EXOC4: variants seen among roughly 807,000 people sequenced by gnomAD.
The protein encoded by EXOC4 is exocyst complex component 4.
Under a neutral mutation model 107.2 loss-of-function variants are expected in EXOC4, and 71 were observed. The ratio of observed to expected loss-of-function variants is 0.66; its 90% CI spans 0.55 to 0.81. EXOC4 has a LOEUF of 0.81. Ranked by LOEUF, EXOC4 falls within the 30% of genes least tolerant of loss-of-function variation. The probability of loss-of-function intolerance (pLI) is 0.00; values close to 1 mark genes in which losing one functional copy is unlikely to be tolerated. For missense variants in EXOC4, 1,108 were observed against 1,189.6 expected, an observed-to-expected ratio of 0.93 and a Z score of 1.01; for synonymous variants, 456 against 441.2, an observed-to-expected ratio of 1.03 and a Z score of -0.42.
intron 14 of EXOC4, among the ~76,000 whole-genome samples, chr7:133,989,670 A>G (rs1436338079): frequency 5.3e-5 from 8 of 152,228 alleles, no homozygotes; most frequent in East Asian, 1.9e-4. Context: ...AGATTTGGCA[A>G]TTACAGTATC....
At chr7:133,312,692 A>G (rs1432483192) in intron 4 of EXOC4, among the ~76,000 whole-genome samples, 2 of 152,046 alleles carry the variant, frequency 1.3e-5, no homozygotes, top group Non-Finnish European at 2.9e-5. Flanking sequence ...GTGGATGGAC[A>G]GACACTCATT....
chr7:134,027,465 C>G (rs1795166018), intron 17 of EXOC4, among the ~76,000 whole-genome samples: 1 of 152,056 alleles, frequency 6.6e-6, no homozygotes, highest in South Asian at 2.1e-4. Flanking sequence ...CAAGACCATC[C>G]TGGCCAACAT....
the EXOC4 span, among the ~76,000 whole-genome samples, chr7:134,078,935 C>T: frequency 6.6e-6 from 1 of 152,192 alleles, no homozygotes. Flanking sequence ...GATGCTTACA[C>T]ACTGTTCCAG....
chr7:134,066,102 T>C (rs1354562403), downstream of EXOC4, among the ~76,000 whole-genome samples: 1 of 152,108 alleles, frequency 6.6e-6, no homozygotes. Flanking sequence ...TGGAAAAACA[T>C]ACTGCCCTAA....
intron 10 of EXOC4, among the ~76,000 whole-genome samples, chr7:133,788,773 G>A (rs532830008): frequency 6.6e-5 from 10 of 152,262 alleles, no homozygotes; most frequent in South Asian, 6.2e-4. Flanking sequence ...GATTATGGGC[G>A]TGAGCCACCA....
At chr7:133,949,725 C>T (rs1216538081) in intron 14 of EXOC4, among the ~76,000 whole-genome samples, 1 of 152,162 alleles carries the variant, frequency 6.6e-6, no homozygotes, top group Non-Finnish European at 1.5e-5. Flanking sequence ...GCCGGACAGT[C>T]TCTGCATTGT....
At chr7:133,516,757 C>CTTTTTTTTTTTTTTT (rs1563093913) in intron 9 of EXOC4, among the ~76,000 whole-genome samples, 1 of 5,294 alleles carries the variant, frequency 1.9e-4, no homozygotes, top group Non-Finnish European at 4.2e-4. Flanking sequence ...ACTAGCTGCT[C>CTTTTTTTTTTTTTTT]ATTTTTTTTT....
At chr7:133,565,808 A>G (rs1800895861) in intron 9 of EXOC4, among the ~76,000 whole-genome samples, 2 of 152,154 alleles carry the variant, frequency 1.3e-5, no homozygotes. Flanking sequence ...GGCATGTCAG[A>G]TGTGTTCCTT....
chr7:133,621,092 C>T (rs915400829), intron 9 of EXOC4, among the ~76,000 whole-genome samples: 6 of 152,192 alleles, frequency 3.9e-5, no homozygotes, highest in African/African-American at 1.4e-4. Flanking sequence ...AATGGATCCT[C>T]CTTTGACTTA....
At chr7:133,541,775 G>C (rs900848233) in intron 9 of EXOC4, among the ~76,000 whole-genome samples, 16 of 152,120 alleles carry the variant, frequency 1.1e-4, no homozygotes, top group Non-Finnish European at 2.1e-4. Context: ...ATTCTTAGTG[G>C]ATGTTGGCCT....
At chr7:133,255,289 G>C (rs1171701521) in intron 1 of EXOC4, among the ~76,000 whole-genome samples, 3 of 151,910 alleles carry the variant, frequency 2.0e-5, no homozygotes, top group Non-Finnish European at 4.4e-5. Flanking sequence ...TGATTCTTCT[G>C]CTTCAGCTTC....
At chr7:133,446,795 T>C (rs1360979336) in intron 7 of EXOC4, among the ~76,000 whole-genome samples, 1 of 152,242 alleles carries the variant, frequency 6.6e-6, no homozygotes, top group Non-Finnish European at 1.5e-5. Context: ...CTACCGCTGC[T>C]TTTTTCACGA....
intron 11 of EXOC4, among the ~76,000 whole-genome samples, chr7:133,871,687 C>T (rs886545049): frequency 2.6e-5 from 4 of 152,186 alleles, no homozygotes; most frequent in African/African-American, 7.2e-5. Context: ...TCACATTCTT[C>T]CTCTACCAGT....
intron 10 of EXOC4, among the ~76,000 whole-genome samples, chr7:133,651,111 C>T (rs1803139715): frequency 6.6e-6 from 1 of 151,934 alleles, no homozygotes; most frequent in Non-Finnish European, 1.5e-5. Flanking sequence ...CCACATATCC[C>T]CCAGTTTCTG....
chr7:133,253,442 C>T (rs969613583), intron 1 of EXOC4: 28 of 1,222,104 alleles, frequency 2.3e-5, no homozygotes, highest in African/African-American at 2.0e-4. Context: ...ATTACAGTCT[C>T]GGGACCCCAA....
chr7:133,725,523 CCACCACCA>C (rs1479225026), intron 10 of EXOC4, among the ~76,000 whole-genome samples: 1 of 152,080 alleles, frequency 6.6e-6, no homozygotes, highest in Non-Finnish European at 1.5e-5. Flanking sequence ...CTACAAGCCC[CCACCACCA>C]CATCCAGCTA....
chr7:133,315,724 G>A (rs977078339), intron 4 of EXOC4, among the ~76,000 whole-genome samples: 7 of 152,192 alleles, frequency 4.6e-5, no homozygotes, highest in Admixed American at 3.9e-4. Flanking sequence ...GAAAAGAGTT[G>A]TTGGGAGGAT....
chr7:133,503,983 A>G (rs1047365397), intron 9 of EXOC4, among the ~76,000 whole-genome samples: 1 of 148,522 alleles, frequency 6.7e-6, no homozygotes, highest in Admixed American at 6.6e-5. Flanking sequence ...ACACGTATGT[A>G]TATGTGTGTA....
At chr7:133,745,854 A>G (rs1795666073) in intron 10 of EXOC4, among the ~76,000 whole-genome samples, 1 of 151,822 alleles carries the variant, frequency 6.6e-6, no homozygotes, top group Non-Finnish European at 1.5e-5. Context: ...TTTTTCTACC[A>G]TTATATATTG....
Sources: gnomAD v4.1 joint callset for allele counts (sites outside exome capture counted in the v4.1 genomes callset) on GRCh38, gnomAD v4.1.1 for gene constraint, MANE v1.5 for transcripts, NCBI Gene and HGNC (gene_info 2026-07-23, HGNC 2026-07-21) for gene names.